Variants in PRRG3 observed in about 807,000 individuals in gnomAD.
PRRG3 encodes the protein transmembrane gamma-carboxyglutamic acid protein 3.
A neutral mutation model predicts 15.8 loss-of-function variants in PRRG3; 21 were observed. That is an observed-to-expected ratio of 1.33 (90% CI 0.94 to 1.92). The LOEUF (loss-of-function observed/expected upper bound fraction) is 1.92, where lower values mean the gene tolerates loss of function less well. Among genes scored for constraint, PRRG3 ranks in the 40% most tolerant of loss-of-function variants. PRRG3 has a pLI of 0.00. For missense variants in PRRG3, 251 were observed against 200.2 expected (o/e 1.25, Z -1.53); for synonymous variants, 125 against 84.1 (o/e 1.49, Z -2.66).
At chrX:151,698,676 A>T in intron 1 of PRRG3, 108 bp from the exon 2 acceptor site, 1 of 567,419 alleles carries the variant, frequency 1.8e-6, no homozygotes, top group Non-Finnish European at 2.9e-6. Flanking sequence ...GTGCTGCTTC[A>T]ACCTTTTGAC....
Position 151,703,853 on chromosome X carries a change from C to G in PRRG3, c.*2820C>G. The G allele has an allele frequency of 1.7e-5, 1 of 57,835 alleles. No homozygotes were observed. Among genetic ancestry groups the G allele is most frequent in the Non-Finnish European group, 2.9e-5 (1 of 34,422 alleles). 4.8% of individuals were successfully genotyped at this position (57,835 alleles called of 1,213,427 possible). A position where few individuals can be genotyped will look rare whatever the true frequency, so the allele number is the denominator to read the frequency against. On this transcript the variant is annotated 3_prime_UTR_variant, in exon 4 of 4. Transcript: ENST00000674457. Reference sequence around the variant, plus strand: ...TGAAAGAAATCTGAGTACTCCTGGGCATGGTTTTTTTTTTTTTTTTTTTTT... The same window carrying G: ...TGAAAGAAATCTGAGTACTCCTGGGGATGGTTTTTTTTTTTTTTTTTTTTT...
Position 151,702,682 on chromosome X carries a change from T to A in PRRG3, c.*1649T>A, listed in dbSNP as rs2014905708. Reference sequence around the variant, plus strand: ...GTTGAGTCTCCACTTGGAGAGTCAATCTCCCGTCAGTTGACCCTTTCCATC... The same window carrying A: ...GTTGAGTCTCCACTTGGAGAGTCAAACTCCCGTCAGTTGACCCTTTCCATC... On this transcript the variant is annotated 3_prime_UTR_variant, in exon 4 of 4. Transcript: ENST00000674457. The A allele has an allele frequency of 1.8e-5, 2 of 112,399 alleles. No homozygotes were observed. Among genetic ancestry groups the A allele is most frequent in the South Asian group, 3.7e-4 (1 of 2,670 alleles). The allele number at this position is 112,399 out of a possible 1,213,427, so 9.3% of individuals were successfully genotyped here. A position where few individuals can be genotyped will look rare whatever the true frequency, so the allele number is the denominator to read the frequency against.
chrX:151,696,641 A>G (rs1031373820), intron 1 of PRRG3, among the ~76,000 whole-genome samples: 11 of 111,182 alleles, frequency 9.9e-5, no homozygotes, highest in Middle Eastern at 4.7e-3. Context: ...CTCTTCCCTT[A>G]TTAAGACTAT....
rs749740995 is a variant in PRRG3, at chrX:151,700,979, C to G, written c.642C>G (p.Asp214Glu). 2 of 1,185,106 alleles carry G rather than the reference C, an allele frequency of 1.7e-6. No individual in the cohort carries two copies. Among genetic ancestry groups the G allele is most frequent in the East Asian group, 3.0e-5 (1 of 33,500 alleles). Residue 214 changes from aspartate (D) to glutamate (E), a missense_variant, in exon 4 of 4, where the codon GAC becomes GAG. Coordinates refer to ENST00000674457, the MANE Select transcript of PRRG3 (RefSeq NM_001372163.1). ...AGGAGGCCAGCGTGTCTTACAGTGA[C>G]CCACCCCCAAAGTACGAGGAGATAG... is the stretch of plus-strand genomic sequence containing the variant. ...SSEEASVSYSDPPPKYEEIVA... is the reference protein window; with the variant it reads ...SSEEASVSYSEPPPKYEEIVA...
chrX:151,700,907 T>TC lies in PRRG3; in HGVS notation c.576dup (p.Ser193LeufsTer14). 1 of 1,208,330 alleles carries TC rather than the reference T, an allele frequency of 8.3e-7. No homozygotes were observed. Among genetic ancestry groups the TC allele is most frequent in the South Asian group, 1.8e-5 (1 of 56,531 alleles). ...TCTCCAGACTGTCCAGCACCACCCC[T>TC]CCCCCCTCCTACGAGGAGGTGACTG... is the stretch of plus-strand genomic sequence containing the variant. On this transcript the variant is annotated frameshift_variant, in exon 4 of 4. Coordinates refer to ENST00000674457, the MANE Select transcript of PRRG3 (RefSeq NM_001372163.1). LOFTEE classifies it high-confidence loss of function.
At chrX:151,700,249 G>C in intron 3 of PRRG3, 93 bp downstream of exon 3, 1 of 1,199,848 alleles carries the variant, frequency 8.3e-7, no homozygotes, top group Admixed American at 2.3e-5. Flanking sequence ...CAGAAGCAAG[G>C]AAAGACACCC....
Position 151,701,392 on chromosome X carries a change from G to A in PRRG3, c.*359G>A. 6.9e-6 allele frequency: 1 copy of A among 145,439 alleles called. No individual in the cohort carries two copies. The highest frequency in any genetic ancestry group is 1.3e-5 in the Non-Finnish European group (1 of 74,300). 12.0% of individuals were successfully genotyped at this position (145,439 alleles called of 1,213,427 possible). Reference sequence around the variant, plus strand: ...GAATGTCCACAGGCCTGGCCTGGGGGCTGTGGGACTGGCTGGAGGCCTGCC... The same window carrying A: ...GAATGTCCACAGGCCTGGCCTGGGGACTGTGGGACTGGCTGGAGGCCTGCC... On this transcript the variant is annotated 3_prime_UTR_variant, in exon 4 of 4. Coordinates refer to ENST00000674457, the MANE Select transcript of PRRG3 (RefSeq NM_001372163.1).
rs1260364661 is a variant in PRRG3, at chrX:151,695,472, T to A, written c.-104T>A. The A allele has an allele frequency of 9.0e-6, 1 of 110,991 alleles. No homozygotes were observed. Among genetic ancestry groups the A allele is most frequent in the African/African-American group, 3.3e-5 (1 of 30,452 alleles). 9.1% of individuals were successfully genotyped at this position (110,991 alleles called of 1,213,427 possible). A position where few individuals can be genotyped will look rare whatever the true frequency, so the allele number is the denominator to read the frequency against. ...AGGTGGGCGGGGACAGGGCCCCTGC[T>A]GGAAGAGGCGCAGCAGCGAGGTGGC... On this transcript the variant is annotated 5_prime_UTR_variant, in exon 1 of 4. Transcript: ENST00000674457.
chrX:151,699,765 T>C (rs1000526477), intron 2 of PRRG3, among the ~76,000 whole-genome samples: 2 of 112,813 alleles, frequency 1.8e-5, no homozygotes, highest in Non-Finnish European at 3.8e-5. Flanking sequence ...ACCTAAACCT[T>C]GTTGGGGCTG....
intron 1 of PRRG3, 161 bp from the exon 2 acceptor site, chrX:151,698,622 CG>C: frequency 2.7e-6 from 1 of 372,851 alleles, no homozygotes; most frequent in East Asian, 4.4e-5. Flanking sequence ...TGAGAAGCAG[CG>C]GAAGCCATGG....
rs1263111233 is a variant in PRRG3, at chrX:151,701,042, T to C, written c.*9T>C. 1 of 1,126,254 alleles carries C rather than the reference T, an allele frequency of 8.9e-7. No homozygotes were observed. The highest frequency in any genetic ancestry group is 1.2e-6 in the Non-Finnish European group (1 of 852,871). The allele number at this position is 1,126,254 out of a possible 1,213,427, so 92.8% of individuals were successfully genotyped here. On this transcript the variant is annotated 3_prime_UTR_variant, in exon 4 of 4. Transcript: ENST00000674457. ...CTGGCGCTGACAAGTAGTGGGACGT[T>C]TGTGCCCTGTCCTGGATGAACGCCT...
rs1462098217 is a variant in PRRG3, at chrX:151,704,096, T to C, written c.*3063T>C. 2 of 109,092 alleles carry C rather than the reference T, an allele frequency of 1.8e-5. No individual in the cohort carries two copies. The highest frequency in any genetic ancestry group is 9.8e-5 in the Admixed American group (1 of 10,228). The allele number at this position is 109,092 out of a possible 1,213,427, so 9.0% of individuals were successfully genotyped here. A position where few individuals can be genotyped will look rare whatever the true frequency, so the allele number is the denominator to read the frequency against. ...TTCAACCAAAAACTTTTTAAGATTT[T>C]TTAAAAGAAAAATCGAAATCCTGTC... On this transcript the variant is annotated 3_prime_UTR_variant, in exon 4 of 4. Coordinates refer to ENST00000674457, the MANE Select transcript of PRRG3 (RefSeq NM_001372163.1).
rs1207861198 is a variant in PRRG3, at chrX:151,701,966, T to C, written c.*933T>C. On this transcript the variant is annotated 3_prime_UTR_variant, in exon 4 of 4. Transcript: ENST00000674457. ...ATCCTAAAGTGTCCCTTTTAAAACA[T>C]TTATTTGTGGAGAAGCCCGTGGCCT... is the stretch of plus-strand genomic sequence containing the variant. 2.7e-5 allele frequency: 3 copies of C among 112,425 alleles called. No individual in the cohort carries two copies. Among genetic ancestry groups the C allele is most frequent in the African/African-American group, 6.5e-5 (2 of 30,966 alleles). The allele number at this position is 112,425 out of a possible 1,213,427, so 9.3% of individuals were successfully genotyped here.
In PRRG3 at chrX:151,705,672, T is replaced by G. The variant is rs1383784235; in HGVS notation, c.*4639T>G. The G allele has an allele frequency of 5.9e-6, 1 of 170,801 alleles. No homozygotes were observed. The highest frequency in any genetic ancestry group is 1.1e-5 in the Non-Finnish European group (1 of 89,799). The allele number at this position is 170,801 out of a possible 1,213,427, so 14.1% of individuals were successfully genotyped here. ...GTGCAACTGAGCTTATAGAAATAAT[T>G]ACTGTGAAATGGATTAATTTTGATA... On this transcript the variant is annotated 3_prime_UTR_variant, in exon 4 of 4. Transcript: ENST00000674457.
Position 151,705,371 on chromosome X carries a change from A to T in PRRG3, c.*4338A>T, listed in dbSNP as rs1302931164. On this transcript the variant is annotated 3_prime_UTR_variant, in exon 4 of 4. Coordinates refer to ENST00000674457, the MANE Select transcript of PRRG3 (RefSeq NM_001372163.1). ...GTGGGCAGCGAGTCTCTCTCTAGCA[A>T]GAATTTATCTGACAAACATACCCAA... 3 of 343,416 alleles carry T rather than the reference A, an allele frequency of 8.7e-6. No individual in the cohort carries two copies. In the East Asian group the frequency reaches 2.9e-4, roughly 33 times the overall value. The allele number at this position is 343,416 out of a possible 1,213,427, so 28.3% of individuals were successfully genotyped here.
rs1483644049 is a variant in PRRG3, at chrX:151,701,375, A to C, written c.*342A>C. On this transcript the variant is annotated 3_prime_UTR_variant, in exon 4 of 4. Coordinates refer to ENST00000674457, the MANE Select transcript of PRRG3 (RefSeq NM_001372163.1). ...TGAGTTGATTGTGGCCAGAATGTCC[A>C]CAGGCCTGGCCTGGGGGCTGTGGGA... is the stretch of plus-strand genomic sequence containing the variant. 4 of 152,267 alleles carry C rather than the reference A, an allele frequency of 2.6e-5. No individual in the cohort carries two copies. The highest frequency in any genetic ancestry group is 1.2e-4 in the African/African-American group (4 of 32,528). The allele number at this position is 152,267 out of a possible 1,213,427, so 12.5% of individuals were successfully genotyped here.
In PRRG3 at chrX:151,700,671, C is replaced by T; in HGVS notation, c.334C>T (p.His112Tyr). 1 of 1,211,488 alleles carries T rather than the reference C, an allele frequency of 8.3e-7. No homozygotes were observed. The highest frequency in any genetic ancestry group is 1.8e-5 in the South Asian group (1 of 56,870). Residue 112 changes from histidine to tyrosine, a missense_variant, in exon 4 of 4, where the codon CAC becomes TAC. Coordinates refer to ENST00000674457, the MANE Select transcript of PRRG3 (RefSeq NM_001372163.1). ...RCQLQKATRH[H>Y]PSYAQNRYLA... ...CCAGCTGCAGAAAGCGACCCGTCAC[C>T]ACCCCTCCTATGCTCAGAACCGGTA...
rs1383919193 is a variant in PRRG3, at chrX:151,705,565, A to G, written c.*4532A>G. 7.9e-6 allele frequency: 2 copies of G among 253,193 alleles called. No homozygotes were observed. Among genetic ancestry groups the G allele is most frequent in the Non-Finnish European group, 1.5e-5 (2 of 130,046 alleles). The allele number at this position is 253,193 out of a possible 1,213,427, so 20.9% of individuals were successfully genotyped here. A position where few individuals can be genotyped will look rare whatever the true frequency, so the allele number is the denominator to read the frequency against. ...TTTGCCTCTCAATCCATCTCCCCTCATCGATACCAATTTCCCAGGCCTGAA... is the reference window on the plus strand; with the variant it reads ...TTTGCCTCTCAATCCATCTCCCCTCGTCGATACCAATTTCCCAGGCCTGAA... On this transcript the variant is annotated 3_prime_UTR_variant, in exon 4 of 4. Transcript: ENST00000674457.
At chrX:151,697,106 CCCTT>C (rs1569421541) in intron 1 of PRRG3, among the ~76,000 whole-genome samples, 1 of 43,094 alleles carries the variant, frequency 2.3e-5, no homozygotes, top group Non-Finnish European at 3.8e-5. Context: ...CTCCCTCCCT[CCCTT>C]CCTTCCTCCC....
Sources: gnomAD v4.1 joint callset for allele counts (sites outside exome capture counted in the v4.1 genomes callset) on GRCh38, gnomAD v4.1.1 for gene constraint, MANE v1.5 for transcripts, NCBI Gene and HGNC (gene_info 2026-07-23, HGNC 2026-07-21) for gene names.